Variants in IBTK observed in about 807,000 individuals in gnomAD.
IBTK encodes the protein inhibitor of Bruton tyrosine kinase, also known as BTK-binding protein.
A neutral mutation model predicts 154.9 loss-of-function variants in IBTK; 83 were observed. That is an observed-to-expected ratio of 0.54 (90% CI 0.45 to 0.64). The LOEUF (loss-of-function observed/expected upper bound fraction) is 0.64, where lower values mean the gene tolerates loss of function less well. Ranked by LOEUF, IBTK falls within the 30% of genes least tolerant of loss-of-function variation. The pLI is 0.00. For synonymous variants in IBTK, 515 were observed against 536.1 expected, an observed-to-expected ratio of 0.96 and a Z score of 0.54; for missense variants, 1,332 against 1,584.6, an observed-to-expected ratio of 0.84 and a Z score of 2.71.
chr6:82,224,291 GGTC>G, intron 6 of IBTK, 106 bp from the exon 7 acceptor site: 2 of 785,276 alleles, frequency 2.5e-6, no homozygotes, highest in Non-Finnish European at 4.3e-6. Context: ...TGCTGTTAGT[GGTC>G]CACTCAAGTG....
rs754865701 is a variant in IBTK at position 82,204,949 on chromosome 6, T to A, written c.2519A>T (p.Asn840Ile). ...AAGAACACTACAAATAAAATCTACA[T>A]TTTGAGATTCTAAAAAAAGAAAGAA... ...DEAVVIKESQ[N>I]VDFICSVLVV... The change falls in exon 17 of 29, where the codon AAT (asparagine) becomes ATT (isoleucine). Residue 840 changes from asparagine (N) to isoleucine (I), a missense_variant. Physicochemically the swap from Asn to Ile is moderately radical, Grantham distance 149. Around this residue, in one of 3 missense-constraint regions of IBTK, gnomAD observed 1,134 missense variants for 1,274.7 expected, o/e 0.89. Coordinates refer to ENST00000306270, the MANE Select transcript of IBTK (RefSeq NM_015525.4). 93 of 1,585,128 alleles carry A rather than the reference T, an allele frequency of 5.9e-5. No individual in the cohort carries two copies. Among genetic ancestry groups the A allele is most frequent in the Non-Finnish European group, 7.7e-5 (89 of 1,163,182 alleles).
At chr6:82,212,561 A>G (rs1028393990) in intron 13 of IBTK, 146 bp downstream of exon 13, 7 of 639,572 alleles carry the variant, frequency 1.1e-5, no homozygotes, top group Middle Eastern at 3.0e-4. Context: ...CAGCTCCCCA[A>G]CATTTCCAGA....
intron 16 of IBTK, among the ~76,000 whole-genome samples, chr6:82,207,201 T>TA (rs1238098552): frequency 1.3e-5 from 2 of 151,986 alleles, no homozygotes; most frequent in Non-Finnish European, 2.9e-5. Flanking sequence ...AGGAATCCAC[T>TA]AAAAAAACTA....
intron 21 of IBTK, among the ~76,000 whole-genome samples, chr6:82,199,700 A>G (rs1769127176): frequency 6.6e-6 from 1 of 152,164 alleles, no homozygotes; most frequent in African/African-American, 2.4e-5. Context: ...TTAAATCATC[A>G]ACAGCCACCC....
intron 25 of IBTK, among the ~76,000 whole-genome samples, chr6:82,183,231 G>A (rs1221426295): frequency 6.6e-6 from 1 of 152,104 alleles, no homozygotes; most frequent in African/African-American, 2.4e-5. Context: ...CCAACATGAT[G>A]AAACTCCGTC....
intron 1 of IBTK, among the ~76,000 whole-genome samples, chr6:82,247,342 T>G (rs548876896): frequency 1.3e-5 from 2 of 152,332 alleles, no homozygotes; most frequent in East Asian, 1.9e-4. Context: ...AGGCCATTCA[T>G]TAGCTGAGGG....
At chr6:82,238,191 C>A (rs9353061) in intron 2 of IBTK, among the ~76,000 whole-genome samples, 26,484 of 151,592 alleles carry the variant, frequency 0.17, 2,358 homozygotes, top group African/African-American at 0.18. Context: ...TTGCAGTGAG[C>A]GGAGATCACA....
In IBTK at chr6:82,216,104, C is replaced by A. The variant is rs1769862122; in HGVS notation, c.1573G>T (p.Ala525Ser). The A allele has an allele frequency of 1.2e-6, 2 of 1,609,834 alleles. No individual in the cohort carries two copies. Among genetic ancestry groups the A allele is most frequent in the East Asian group, 4.5e-5 (2 of 44,828 alleles). The change falls in exon 11 of 29, where the codon GCA becomes TCA. Residue 525 changes from alanine to serine, a missense_variant. Coordinates refer to ENST00000306270, the MANE Select transcript of IBTK (RefSeq NM_015525.4). ...VSTDPSGCNF[A>S]ILQSDPKTSL... is the part of the protein sequence containing the mutation. ...GTTTTAGGATCTGACTGCAGGATTGCAAAGTTGCATCCACTTGGATCTGTG... is the reference window on the plus strand; with the variant it reads ...GTTTTAGGATCTGACTGCAGGATTGAAAAGTTGCATCCACTTGGATCTGTG...
intron 22 of IBTK, 22 bp downstream of exon 22, chr6:82,196,276 G>A (rs758630970): frequency 3.2e-6 from 5 of 1,561,994 alleles, no homozygotes; most frequent in Non-Finnish European, 4.3e-6. Flanking sequence ...AAGGTAAGGA[G>A]GTAGTGCTTC....
At chr6:82,174,440 A>T (rs1448701878) in intron 26 of IBTK, among the ~76,000 whole-genome samples, 1 of 152,178 alleles carries the variant, frequency 6.6e-6, no homozygotes, top group Non-Finnish European at 1.5e-5. Context: ...TGAGGAAATG[A>T]CATTAAAGCT....
intron 24 of IBTK, 109 bp downstream of exon 24, chr6:82,191,678 A>T: frequency 1.3e-6 from 1 of 759,646 alleles, no homozygotes; most frequent in Non-Finnish European, 2.4e-6. Context: ...ATGTATAATT[A>T]ACTATAACAT....
intron 25 of IBTK, among the ~76,000 whole-genome samples, chr6:82,186,926 T>G (rs1238814532): frequency 6.7e-6 from 1 of 149,950 alleles, no homozygotes; most frequent in East Asian, 2.0e-4. Context: ...TTTTTTTTTT[T>G]TTTTTTTGAG....
At chr6:82,175,128 G>A (rs536357399) in intron 26 of IBTK, 46 of 293,976 alleles carry the variant, frequency 1.6e-4, no homozygotes, top group African/African-American at 1.0e-3. Context: ...GTGTCCACCA[G>A]AATACTTGGA....
Position 82,170,410 on chromosome 6 carries a change from C to T in IBTK, c.*1015G>A, listed in dbSNP as rs1311943096. On this transcript the variant is annotated 3_prime_UTR_variant, in exon 29 of 29. Transcript: ENST00000306270. ...TACCTTCCAGAAACTAGAACATTAA[C>T]CTTTCCAATTTATCTAGGTACTGAA... 2.0e-5 allele frequency: 3 copies of T among 152,286 alleles called. No individual in the cohort carries two copies. Among genetic ancestry groups the T allele is most frequent in the South Asian group, 4.1e-4 (2 of 4,828 alleles). 9.4% of individuals were successfully genotyped at this position (152,286 alleles called of 1,614,324 possible).
At chr6:82,198,897 C>T (rs1205110512) in intron 21 of IBTK, among the ~76,000 whole-genome samples, 1 of 149,926 alleles carries the variant, frequency 6.7e-6, no homozygotes, top group African/African-American at 2.5e-5. Flanking sequence ...AAAGAGAAAA[C>T]AAAAAACAAA....
intron 9 of IBTK, 96 bp from the exon 10 acceptor site, chr6:82,218,233 T>G: frequency 3.7e-6 from 3 of 813,008 alleles, no homozygotes; most frequent in Non-Finnish European, 5.2e-6. Flanking sequence ...GCTGTTAAAA[T>G]AAAAGCTCTC....
chr6:82,243,091 A>G (rs900539802), intron 1 of IBTK, among the ~76,000 whole-genome samples: 1 of 151,440 alleles, frequency 6.6e-6, no homozygotes, highest in Non-Finnish European at 1.5e-5. Flanking sequence ...AATACAAAAA[A>G]TTAGCCGGGT....
chr6:82,230,996 T>C (rs1054616154), intron 4 of IBTK, among the ~76,000 whole-genome samples: 1 of 152,168 alleles, frequency 6.6e-6, no homozygotes, highest in African/African-American at 2.4e-5. Context: ...TTCCAAAACA[T>C]TGCTTATCTG....
In IBTK at chr6:82,240,114, A is replaced by C; in HGVS notation, c.321+52T>G. On this transcript the variant is annotated intron_variant, in intron 2 of 28. Coordinates refer to ENST00000306270, the MANE Select transcript of IBTK (RefSeq NM_015525.4). Reference sequence around the variant, plus strand: ...CATGTAGGATGTATGAAAATGATTAAGAAAAACATATTCCAGACTAAATAC... The same window carrying C: ...CATGTAGGATGTATGAAAATGATTACGAAAAACATATTCCAGACTAAATAC... 3 of 1,471,638 alleles carry C rather than the reference A, an allele frequency of 2.0e-6. No individual in the cohort carries two copies. The South Asian group carries it at 3.8e-5, about 19-fold the overall frequency. 91.2% of individuals were successfully genotyped at this position (1,471,638 alleles called of 1,614,324 possible). A position where few individuals can be genotyped will look rare whatever the true frequency, so the allele number is the denominator to read the frequency against.
Sources: gnomAD v4.1 joint callset for allele counts (sites outside exome capture counted in the v4.1 genomes callset) on GRCh38, gnomAD v4.1.1 for gene constraint, gnomAD v4.1.1 regional missense constraint, MANE v1.5 for transcripts, NCBI Gene and HGNC (gene_info 2026-07-23, HGNC 2026-07-21) for gene names.